POC1B: variants seen among roughly 807,000 people sequenced by gnomAD.
POC1B encodes POC1 centriolar protein B.
Under a neutral mutation model 60.6 loss-of-function variants are expected in POC1B, and 44 were observed. The ratio of observed to expected loss-of-function variants is 0.73; its 90% CI spans 0.57 to 0.93. The LOEUF (loss-of-function observed/expected upper bound fraction) is 0.93, where lower values mean the gene tolerates loss of function less well. POC1B is among the 40% of genes least tolerant of loss of function. The pLI, the probability that POC1B is intolerant of heterozygous loss-of-function variation, is 0.00. For synonymous variants in POC1B, 180 were observed against 198.9 expected (o/e 0.90, Z 0.80); for missense variants, 555 against 572.3 (o/e 0.97, Z 0.31).
chr12:89,425,342 C>A lies in POC1B; in HGVS notation c.1151G>T (p.Gly384Val). 1 of 1,614,068 alleles carries A rather than the reference C, an allele frequency of 6.2e-7. No homozygotes were observed. The highest frequency in any genetic ancestry group is 2.2e-5 in the East Asian group (1 of 44,882). The change falls in exon 11 of 12, where the codon GGT becomes GTT. Residue 384 changes from glycine to valine, a missense_variant. Transcript: ENST00000313546. ...ETSGRTLPDK[G>V]EEACGYFLNP... ...CAAGAAATATCCACAGGCCTCTTCA[C>A]CCTTGTCTGGCAGAGTCCTACCACT...
intron 2 of POC1B, chr12:89,502,665 A>C: frequency 7.5e-7 from 1 of 1,336,906 alleles, no homozygotes; most frequent in Non-Finnish European, 1.1e-6. Context: ...TTTTTTGTTA[A>C]GCATGGTGAG....
At chr12:89,425,448 TA>T in intron 10 of POC1B, 69 bp from the exon 11 acceptor site, 1 of 1,253,558 alleles carries the variant, frequency 8.0e-7, no homozygotes, top group East Asian at 2.6e-5. Context: ...TATAAAAGTT[TA>T]AAATATTCCT....
chr12:89,524,590 C>A (rs755578876), intron 2 of POC1B: 1 of 1,605,362 alleles, frequency 6.2e-7, no homozygotes, highest in Non-Finnish European at 8.5e-7. Context: ...GCCACCAAGC[C>A]ACCACGCAGG....
At position 89,502,408 on chromosome 12, in the gene POC1B, G is replaced by C. The variant is rs938718372; in HGVS notation, c.101-5066C>G. ...TCAAGGAAGGCCATCAGGAGGATTC[G>C]TGATTAGTGGAATACTATCTCCAGG... On this transcript the variant is annotated intron_variant, in intron 2 of 11. Transcript: ENST00000313546. 6.1e-6 allele frequency: 9 copies of C among 1,477,414 alleles called. No individual in the cohort carries two copies. In the East Asian group the frequency reaches 2.0e-4, roughly 33 times the overall value. The allele number at this position is 1,477,414 out of a possible 1,614,324, so 91.5% of individuals were successfully genotyped here.
chr12:89,523,426 A>C (rs1324444059), intron 2 of POC1B: 1 of 1,613,884 alleles, frequency 6.2e-7, no homozygotes, highest in African/African-American at 1.3e-5. Context: ...ATTCTGTAGG[A>C]AATTGGGGCG....
At chr12:89,513,315 T>G (rs921877883) in intron 2 of POC1B, among the ~76,000 whole-genome samples, 7 of 148,896 alleles carry the variant, frequency 4.7e-5, no homozygotes, top group African/African-American at 1.7e-4. Context: ...GGAAAGTAAC[T>G]AAAAAGTTCA....
intron 2 of POC1B, among the ~76,000 whole-genome samples, chr12:89,504,941 C>T (rs1761227472): frequency 6.6e-6 from 1 of 151,288 alleles, no homozygotes. Context: ...TCCATCTCTA[C>T]AAAAAAAATA....
At chr12:89,503,632 G>T (rs1465059194) in intron 2 of POC1B, among the ~76,000 whole-genome samples, 2 of 149,704 alleles carry the variant, frequency 1.3e-5, no homozygotes, top group Non-Finnish European at 3.0e-5. Context: ...TGAGATGTGG[G>T]GAGCGCCTCT....
At chr12:89,419,112 G>T (rs3864927), downstream of POC1B, among the ~76,000 whole-genome samples, 1,872 of 152,004 alleles carry the variant, frequency 0.012, 58 homozygotes, top group African/African-American at 0.043. Flanking sequence ...TCATTTTATT[G>T]ACACATGCAA....
chr12:89,525,168 T>C lies in POC1B; in HGVS notation c.52A>G (p.Lys18Glu), dbSNP rs758725010. 3.5e-5 allele frequency: 57 copies of C among 1,613,732 alleles called. No homozygotes were observed. The highest frequency in any genetic ancestry group is 4.7e-5 in the Non-Finnish European group (55 of 1,179,822). Residue 18 changes from lysine to glutamate, a missense_variant, in exon 2 of 12, where the codon AAA becomes GAA. Lys to Glu is a moderately conservative substitution (Grantham distance 56). Coordinates refer to ENST00000313546, the MANE Select transcript of POC1B (RefSeq NM_172240.3). ...PVLERYFKGH[K>E]AAITSLDLSP... ...AGGTCCAAGGAGGTGATCGCAGCTT[T>C]GTGGCCTTTGAAATAACGCTCCAGA... is the stretch of plus-strand genomic sequence containing the variant.
intron 2 of POC1B, among the ~76,000 whole-genome samples, chr12:89,511,497 T>A (rs1870185915): frequency 6.6e-6 from 1 of 152,212 alleles, no homozygotes; most frequent in Non-Finnish European, 1.5e-5. Context: ...TCAGAAGTCC[T>A]TCTCTGTATT....
At chr12:89,456,546 G>C (rs980511272) in intron 10 of POC1B, among the ~76,000 whole-genome samples, 19 of 152,008 alleles carry the variant, frequency 1.2e-4, no homozygotes, top group Admixed American at 9.2e-4. Flanking sequence ...TAGAAAATTA[G>C]TATATAAGTG....
rs1868744298 is a variant in POC1B at position 89,488,138 on chromosome 12, C to T, written c.452+3798G>A. Among the ~76,000 whole-genome samples the T allele has an allele frequency of 2.1e-5, 3 of 143,864 alleles. No individual in the cohort carries two copies. The South Asian group carries it at 6.7e-4, about 32-fold the overall frequency. 94.4% of individuals were successfully genotyped at this position (143,864 alleles called of 152,430 possible). A position where few individuals can be genotyped will look rare whatever the true frequency, so the allele number is the denominator to read the frequency against. On this transcript the variant is annotated intron_variant, in intron 4 of 11. Coordinates refer to ENST00000313546, the MANE Select transcript of POC1B (RefSeq NM_172240.3). ...ATTACGATTACCCTTTGATAAAAGA[C>T]TTATATATAGATGATTCAATACAAC...
intron 2 of POC1B, among the ~76,000 whole-genome samples, chr12:89,510,935 A>G (rs1870152476): frequency 6.6e-6 from 1 of 151,574 alleles, no homozygotes; most frequent in East Asian, 2.0e-4. Flanking sequence ...TTTTGTATTT[A>G]GTACAGACAG....
intron 10 of POC1B, chr12:89,429,126 A>G (rs982747495): frequency 1.3e-5 from 2 of 152,340 alleles, no homozygotes; most frequent in Non-Finnish European, 2.9e-5. Context: ...AGACAATCTA[A>G]GCAATAAAAG....
intron 10 of POC1B, among the ~76,000 whole-genome samples, chr12:89,442,212 C>A (rs1234873874): frequency 1.3e-5 from 2 of 152,180 alleles, no homozygotes; most frequent in African/African-American, 4.8e-5. Context: ...CTTCCCCAAC[C>A]TAGCAAGGCA....
chr12:89,489,369 T>C (rs1392426024), intron 4 of POC1B, among the ~76,000 whole-genome samples: 1 of 152,174 alleles, frequency 6.6e-6, no homozygotes, highest in Non-Finnish European at 1.5e-5. Context: ...GGTTGGAATT[T>C]TAACCTACAA....
chr12:89,419,497 T>C (rs1180733693), downstream of POC1B, among the ~76,000 whole-genome samples: 2 of 152,182 alleles, frequency 1.3e-5, no homozygotes, highest in Non-Finnish European at 2.9e-5. Context: ...TCCTAAAGTG[T>C]GGACCTCAGG....
chr12:89,511,961 C>T (rs1396034771), intron 2 of POC1B, among the ~76,000 whole-genome samples: 9 of 152,108 alleles, frequency 5.9e-5, no homozygotes, highest in Non-Finnish European at 1.2e-4. Flanking sequence ...GGCTGAGGCA[C>T]GAGAATCACT....
Sources: allele counts gnomAD v4.1 joint callset (sites outside exome capture counted in the v4.1 genomes callset), GRCh38; gene constraint gnomAD v4.1.1; transcripts MANE v1.5; gene names NCBI Gene and HGNC (gene_info 2026-07-23, HGNC 2026-07-21).